Variants in ZNF248 observed in about 807,000 individuals in gnomAD.
The protein encoded by ZNF248 is zinc finger protein 248, also known as KRAB protein domain.
A neutral mutation model predicts 44.3 loss-of-function variants in ZNF248; 20 were observed. The observed-to-expected ratio is 0.45, with a 90% CI of 0.32 to 0.66. The LOEUF is 0.66. Ranked by LOEUF, ZNF248 falls within the 30% of genes least tolerant of loss-of-function variation. ZNF248 has a pLI of 0.04. For synonymous variants in ZNF248, 224 were observed against 229.0 expected (o/e 0.98, Z 0.20); for missense variants, 654 against 677.0 (o/e 0.97, Z 0.38).
the ZNF248 span, among the ~76,000 whole-genome samples, chr10:37,759,010 G>A: frequency 6.6e-6 from 1 of 152,140 alleles, no homozygotes; most frequent in African/African-American, 2.4e-5. Flanking sequence ...CTGTGCTAAA[G>A]GAGACCACTA....
downstream of ZNF248, among the ~76,000 whole-genome samples, chr10:37,824,610 T>C (rs563277188): frequency 6.6e-6 from 1 of 151,078 alleles, no homozygotes; most frequent in East Asian, 1.9e-4. Flanking sequence ...AAAATTATAA[T>C]GAGCATTTAT....
At position 37,829,117 on chromosome 10, in the gene ZNF248, A is replaced by C; in HGVS notation, c.*2498T>G. 1 of 985,470 alleles carries C rather than the reference A, an allele frequency of 1.0e-6. No homozygotes were observed. The highest frequency in any genetic ancestry group is 1.2e-6 in the Non-Finnish European group (1 of 829,946). 61.0% of individuals were successfully genotyped at this position (985,470 alleles called of 1,614,324 possible). A position where few individuals can be genotyped will look rare whatever the true frequency, so the allele number is the denominator to read the frequency against. ...TGTGCCCACCTGGGCTCTCCAGCAG[A>C]TGTATCTGGTTGGTTTCTCCAAAGA... On this transcript the variant is annotated 3_prime_UTR_variant, in exon 6 of 6. Coordinates refer to ENST00000395867, the MANE Select transcript of ZNF248 (RefSeq NM_021045.3).
At position 37,788,198 on chromosome 10, in the gene ZNF248, G is replaced by T. The variant is rs867450245; in HGVS notation, c.331-11623C>A. ...GAGAATCGCTTGAACCCAGGAGGTGGAGGTTGCAGTGAGCCAAGATCGTGC... is the reference window on the plus strand; with the variant it reads ...GAGAATCGCTTGAACCCAGGAGGTGTAGGTTGCAGTGAGCCAAGATCGTGC... On this transcript the variant is annotated intron_variant, in intron 6 of 6. Transcript: ENST00000615949. Among the ~76,000 whole-genome samples the T allele has an allele frequency of 2.7e-5, 4 of 150,118 alleles. No homozygotes were observed. In the South Asian group the frequency reaches 8.4e-4, roughly 32 times the overall value.
At chr10:37,799,057 G>A (rs1404583202) in intron 6 of ZNF248, among the ~76,000 whole-genome samples, 1 of 151,954 alleles carries the variant, frequency 6.6e-6, no homozygotes, top group African/African-American at 2.4e-5. Flanking sequence ...GTATGTACAT[G>A]CTAACATTTT....
At chr10:37,847,011 G>GT in intron 3 of ZNF248, among the ~76,000 whole-genome samples, 1 of 152,090 alleles carries the variant, frequency 6.6e-6, no homozygotes, top group East Asian at 1.9e-4. Flanking sequence ...ATTTTGTGTG[G>GT]TAACTGTATT....
intron 6 of ZNF248, among the ~76,000 whole-genome samples, chr10:37,807,041 T>C (rs2050676882): frequency 6.6e-6 from 1 of 151,998 alleles, no homozygotes; most frequent in African/African-American, 2.4e-5. Flanking sequence ...TGGAGTGCAG[T>C]GGCCCGGTCT....
intron 3 of ZNF248, among the ~76,000 whole-genome samples, chr10:37,844,860 T>C (rs1213908232): frequency 6.6e-6 from 1 of 152,080 alleles, no homozygotes; most frequent in East Asian, 1.9e-4. Context: ...AGTGAGTCCT[T>C]CCTTCTTAGA....
intron 6 of ZNF248, among the ~76,000 whole-genome samples, chr10:37,796,869 G>A (rs1394557777): frequency 6.6e-6 from 1 of 151,812 alleles, no homozygotes; most frequent in Admixed American, 6.6e-5. Context: ...ATAAACATTA[G>A]GAAGACAAAA....
intron 6 of ZNF248, chr10:37,794,606 G>A (rs1182997828): frequency 6.3e-6 from 1 of 159,628 alleles, no homozygotes; most frequent in Non-Finnish European, 1.4e-5. Context: ...TGTATTCTTT[G>A]TTGTCCAATG....
intron 6 of ZNF248, among the ~76,000 whole-genome samples, chr10:37,801,758 A>C (rs2133220449): frequency 6.6e-6 from 1 of 152,202 alleles, no homozygotes; most frequent in East Asian, 1.9e-4. Context: ...GCAAGGAAGC[A>C]GAGTGAGTGA....
At chr10:37,766,142 AAGG>A in the ZNF248 span, among the ~76,000 whole-genome samples, 29 of 152,382 alleles carry the variant, frequency 1.9e-4, no homozygotes, top group Admixed American at 1.1e-3. Flanking sequence ...ACCACAGCTC[AAGG>A]AGGCCTGCCT....
rs2059165603 is a variant in ZNF248, at chr10:37,845,400, TG to T, written c.16-7290del. Among the ~76,000 whole-genome samples the T allele has an allele frequency of 2.2e-5, 3 of 139,396 alleles. No homozygotes were observed. The East Asian group carries it at 6.3e-4, about 29-fold the overall frequency. The allele number at this position is 139,396 out of a possible 152,430, so 91.4% of individuals were successfully genotyped here. A position where few individuals can be genotyped will look rare whatever the true frequency, so the allele number is the denominator to read the frequency against. ...GGATTTAAAAAAAAAAAAAAACTCA[TG>T]AAAAAAATTAAGTCACATTCACAGA... On this transcript the variant is annotated intron_variant, in intron 3 of 5. Transcript: ENST00000395867.
intron 6 of ZNF248, among the ~76,000 whole-genome samples, chr10:37,806,498 T>C (rs1032004109): frequency 1.3e-5 from 2 of 152,136 alleles, no homozygotes; most frequent in African/African-American, 2.4e-5. Context: ...ACTAGTGATG[T>C]TGACTATCTT....
chr10:37,762,049 T>C, the ZNF248 span, among the ~76,000 whole-genome samples: 1 of 152,218 alleles, frequency 6.6e-6, no homozygotes, highest in Non-Finnish European at 1.5e-5. Flanking sequence ...GAAATTGTAT[T>C]GTCTCAAATC....
Position 37,837,976 on chromosome 10 carries a change from A to C in ZNF248, c.142+9T>G. The C allele has an allele frequency of 1.9e-6, 3 of 1,611,322 alleles. No individual in the cohort carries two copies. The highest frequency in any genetic ancestry group is 1.1e-5 in the South Asian group (1 of 90,826). ...TATTGATAGCCATGTGCGGAAAAAA[A>C]CTCCTTACCTACTGAGACAAGATTG... On this transcript the variant is annotated intron_variant, in intron 4 of 5. Coordinates refer to ENST00000395867, the MANE Select transcript of ZNF248 (RefSeq NM_021045.3).
At chr10:37,820,318 C>G in intron 6 of ZNF248, 1 of 1,403,282 alleles carries the variant, frequency 7.1e-7, no homozygotes. Context: ...TGAGCTGAAA[C>G]AGAAGTGAAG....
chr10:37,856,327 AG>A lies in ZNF248; in HGVS notation c.-18del. The A allele has an allele frequency of 1.2e-6, 2 of 1,613,596 alleles. No individual in the cohort carries two copies. ...TTTGTTCATTTTCCGCTCTTAGTGG[AG>A]GAAGGAGAGCTGAAGGATTAGAAAG... On this transcript the variant is annotated 5_prime_UTR_variant, in exon 3 of 6. An upstream open reading frame in the 5' UTR gains an earlier in-frame stop. Coordinates refer to ENST00000395867, the MANE Select transcript of ZNF248 (RefSeq NM_021045.3).
Position 37,831,371 on chromosome 10 carries a change from C to T in ZNF248, c.*244G>A, listed in dbSNP as rs1402771794. 2 of 1,546,998 alleles carry T rather than the reference C, an allele frequency of 1.3e-6. No individual in the cohort carries two copies. The highest frequency in any genetic ancestry group is 4.9e-5 in the East Asian group (2 of 40,782). ...TATATTTGCAACAAAATTTTGGTAT[C>T]ACGTCTGGAATATAACACTAAACAA... On this transcript the variant is annotated 3_prime_UTR_variant, in exon 6 of 6. Transcript: ENST00000395867.
intron 6 of ZNF248, among the ~76,000 whole-genome samples, chr10:37,805,913 AAT>A (rs945312901): frequency 5.3e-5 from 8 of 152,172 alleles, no homozygotes; most frequent in African/African-American, 1.9e-4. Flanking sequence ...TTGCAGGACA[AAT>A]ATGAATACAT....
Sources: gnomAD v4.1 joint callset for allele counts (sites outside exome capture counted in the v4.1 genomes callset) on GRCh38, gnomAD v4.1.1 for gene constraint, MANE v1.5 for transcripts, NCBI Gene and HGNC (gene_info 2026-07-23, HGNC 2026-07-21) for gene names.